SHROOM3: variants seen among roughly 807,000 people sequenced by gnomAD.
The protein encoded by SHROOM3 is protein Shroom3.
In SHROOM3, 47 loss-of-function variants were observed where a neutral mutation model predicts 138.6. That is an observed-to-expected ratio of 0.34 (90% CI 0.27 to 0.43). The LOEUF is 0.43. SHROOM3 is among the 20% of genes least tolerant of loss of function. The probability of loss-of-function intolerance (pLI) is 1.00; values close to 1 mark genes in which losing one functional copy is unlikely to be tolerated. For missense variants in SHROOM3, 2,491 were observed against 2,596.5 expected (o/e 0.96, Z 0.88); for synonymous variants, 1,062 against 1,063.3 (o/e 1.00, Z 0.02).
intron 3 of SHROOM3, among the ~76,000 whole-genome samples, chr4:76,726,080 C>T (rs190906648): frequency 1.7e-3 from 252 of 152,266 alleles, no homozygotes; most frequent in African/African-American, 5.8e-3. Flanking sequence ...TAAAGCATGC[C>T]ATTGCAAGGA....
intron 2 of SHROOM3, among the ~76,000 whole-genome samples, chr4:76,691,764 G>T (rs1206334538): frequency 6.6e-6 from 1 of 152,120 alleles, no homozygotes; most frequent in Admixed American, 6.5e-5. Context: ...GTTAAATCTG[G>T]TTACATTTTT....
Position 76,555,771 on chromosome 4 carries a change from G to A in SHROOM3, c.323+8G>A, listed in dbSNP as rs1281388543. 6.2e-7 allele frequency: 1 copy of A among 1,611,088 alleles called. No individual in the cohort carries two copies. Among genetic ancestry groups the A allele is most frequent in the Non-Finnish European group, 8.5e-7 (1 of 1,179,796 alleles). ...CAGGCTGGTAGTGCGCAGGTAGGTG[G>A]CAGACCCCCACCCTGTCCCTCCTAC... On this transcript the variant is annotated splice_region_variant and intron_variant, in intron 2 of 10. Coordinates refer to ENST00000296043, the MANE Select transcript of SHROOM3 (RefSeq NM_020859.4).
At chr4:76,599,073 G>GC (rs1023667611) in intron 2 of SHROOM3, among the ~76,000 whole-genome samples, 2 of 151,284 alleles carry the variant, frequency 1.3e-5, no homozygotes, top group Non-Finnish European at 2.9e-5. Flanking sequence ...GTGCAGGGGT[G>GC]CAAGGCGAGG....
At chr4:76,673,305 G>A (rs1328243403) in intron 2 of SHROOM3, among the ~76,000 whole-genome samples, 1 of 152,130 alleles carries the variant, frequency 6.6e-6, no homozygotes, top group African/African-American at 2.4e-5. Flanking sequence ...ACTTAATATA[G>A]TCTTATTTGG....
At chr4:76,726,555 A>T (rs2110126235) in intron 3 of SHROOM3, among the ~76,000 whole-genome samples, 1 of 151,202 alleles carries the variant, frequency 6.6e-6, no homozygotes, top group African/African-American at 2.4e-5. Flanking sequence ...AAAAAAAAAA[A>T]AAAAAAAATT....
chr4:76,741,293 G>T lies in SHROOM3; in HGVS notation c.3120G>T (p.Leu1040=), dbSNP rs1206581261. Residue 1040 remains leucine (L), a synonymous_variant, in exon 5 of 11, where the codon CTG becomes CTT. Coordinates refer to ENST00000296043, the MANE Select transcript of SHROOM3 (RefSeq NM_020859.4). This position sits in a 1 kb window ranked among gnomAD's most constrained non-coding sequence, Gnocchi z 6.2. Reference sequence around the variant, plus strand: ...TGGAGGAGGCCGAACCGGCACCCCTGGGCCCGCAGAGAAATGGGATGCGTT... The same window carrying T: ...TGGAGGAGGCCGAACCGGCACCCCTTGGCCCGCAGAGAAATGGGATGCGTT... ...GIVEEAEPAP[L]GPQRNGMRFP... is the part of the protein sequence containing the mutation. The T allele has an allele frequency of 6.2e-7, 1 of 1,612,092 alleles. No homozygotes were observed. Among genetic ancestry groups the T allele is most frequent in the African/African-American group, 1.3e-5 (1 of 75,042 alleles).
chr4:76,625,125 C>T (rs1735103764), intron 2 of SHROOM3, among the ~76,000 whole-genome samples: 1 of 152,132 alleles, frequency 6.6e-6, no homozygotes, highest in African/African-American at 2.4e-5. Flanking sequence ...ATGAGATGAT[C>T]AGCCAAATCT....
At chr4:76,443,752 G>A (rs556140177) in intron 1 of SHROOM3, among the ~76,000 whole-genome samples, 1 of 152,310 alleles carries the variant, frequency 6.6e-6, no homozygotes, top group South Asian at 2.1e-4. Flanking sequence ...GAATGGAAGT[G>A]ATTCTTTTCT....
intron 1 of SHROOM3, among the ~76,000 whole-genome samples, chr4:76,518,744 A>G (rs571096698): frequency 2.2e-4 from 34 of 152,330 alleles, no homozygotes; most frequent in African/African-American, 7.9e-4. Context: ...GTACTCTCTC[A>G]TTTGCCTAGA....
At position 76,704,880 on chromosome 4, in the gene SHROOM3, A is replaced by T. The variant is rs146149284; in HGVS notation, c.324-5276A>T. ...GAGGAAATGGCTGATTCTAACAGAC[A>T]AAACCAAGCACTTCCCTAAGGTTGT... On this transcript the variant is annotated intron_variant, in intron 2 of 10. Transcript: ENST00000296043. Among the ~76,000 whole-genome samples, 5 of 152,340 alleles carry T rather than the reference A, an allele frequency of 3.3e-5. No homozygotes were observed. The East Asian group carries it at 9.7e-4, about 29-fold the overall frequency.
At chr4:76,724,774 T>C (rs1050587354) in intron 3 of SHROOM3, among the ~76,000 whole-genome samples, 4 of 152,220 alleles carry the variant, frequency 2.6e-5, no homozygotes, top group African/African-American at 9.6e-5. Flanking sequence ...TACTTCATCC[T>C]TTTTAACAGC....
At chr4:76,651,401 A>AATATATATATATATATATATAT (rs33994270) in intron 2 of SHROOM3, among the ~76,000 whole-genome samples, 7 of 86,758 alleles carry the variant, frequency 8.1e-5, no homozygotes, top group Admixed American at 3.7e-4. Context: ...GTAACCCATA[A>AATATATATATATATATATATAT]ATATATATAT....
At chr4:76,588,720 G>A (rs1734200908) in intron 2 of SHROOM3, among the ~76,000 whole-genome samples, 1 of 152,078 alleles carries the variant, frequency 6.6e-6, no homozygotes, top group African/African-American at 2.4e-5. Flanking sequence ...TCTGGCCATA[G>A]GGAGCAGACA....
chr4:76,769,558 A>G (rs1458450018), intron 9 of SHROOM3, among the ~76,000 whole-genome samples: 1 of 152,184 alleles, frequency 6.6e-6, no homozygotes, highest in Admixed American at 6.5e-5. Flanking sequence ...TCACTGTTTT[A>G]TAAGTATGGA....
rs189986330 is a variant in SHROOM3 at position 76,459,672 on chromosome 4, A to G, written c.168+23452A>G. Among the ~76,000 whole-genome samples the G allele has an allele frequency of 3.0e-4, 46 of 152,124 alleles. 1 individual carries two copies. In the East Asian group the frequency reaches 5.6e-3, roughly 19 times the overall value. On this transcript the variant is annotated intron_variant, in intron 1 of 10. Transcript: ENST00000296043. Reference sequence around the variant, plus strand: ...GTCATGATGCAGTCTAGGCTAAGGCACAGAAAACTGTACATTTCTGGTCCT... The same window carrying G: ...GTCATGATGCAGTCTAGGCTAAGGCGCAGAAAACTGTACATTTCTGGTCCT...
chr4:76,667,037 A>G (rs1346266461), intron 2 of SHROOM3, among the ~76,000 whole-genome samples: 1 of 152,230 alleles, frequency 6.6e-6, no homozygotes, highest in African/African-American at 2.4e-5. Context: ...ATTCATAGAA[A>G]CAGAAAGTAG....
chr4:76,469,034 CAAAA>C (rs530021753), intron 1 of SHROOM3, among the ~76,000 whole-genome samples: 1 of 87,396 alleles, frequency 1.1e-5, no homozygotes. Context: ...ATTCCATCTC[CAAAA>C]AAAAAAAAAA....
chr4:76,529,228 C>A (rs1732778080), intron 1 of SHROOM3, among the ~76,000 whole-genome samples: 1 of 152,160 alleles, frequency 6.6e-6, no homozygotes, highest in African/African-American at 2.4e-5. Context: ...TAGATAGTTT[C>A]TCTGGCTGGA....
intron 1 of SHROOM3, among the ~76,000 whole-genome samples, chr4:76,549,801 A>G (rs922304978): frequency 1.3e-5 from 2 of 152,196 alleles, no homozygotes; most frequent in Non-Finnish European, 2.9e-5. Context: ...GGGGAATGTG[A>G]GGGTCCTAAG....
Sources: allele counts gnomAD v4.1 joint callset (sites outside exome capture counted in the v4.1 genomes callset), GRCh38; gene constraint gnomAD v4.1.1; non-coding constraint Gnocchi (gnomAD v3.1); transcripts MANE v1.5; gene names NCBI Gene and HGNC (gene_info 2026-07-23, HGNC 2026-07-21).